FBXL13: variants seen among roughly 807,000 people sequenced by gnomAD.
FBXL13 encodes the protein F-box and leucine rich repeat protein 13.
In FBXL13, 67 loss-of-function variants were observed where a neutral mutation model predicts 83.6. The ratio of observed to expected loss-of-function variants is 0.80; its 90% CI spans 0.66 to 0.98. FBXL13 has a LOEUF of 0.98. Ranked by LOEUF, FBXL13 falls within the 50% of genes least tolerant of loss-of-function variation. The probability of loss-of-function intolerance (pLI) is 0.00; values close to 1 mark genes in which losing one functional copy is unlikely to be tolerated. For synonymous variants in FBXL13, 272 were observed against 299.5 expected, an observed-to-expected ratio of 0.91 and a Z score of 0.95; for missense variants, 822 against 866.5, an observed-to-expected ratio of 0.95 and a Z score of 0.64.
At chr7:103,065,087 T>C (rs1454257463) in intron 1 of FBXL13, among the ~76,000 whole-genome samples, 1 of 152,176 alleles carries the variant, frequency 6.6e-6, no homozygotes, top group Admixed American at 6.5e-5. Flanking sequence ...TGGCAATAGA[T>C]AATTGACACA....
At chr7:103,050,605 T>TAGGAA (rs1202703613) in intron 2 of FBXL13, among the ~76,000 whole-genome samples, 3 of 151,782 alleles carry the variant, frequency 2.0e-5, no homozygotes, top group African/African-American at 7.3e-5. Flanking sequence ...ACAGAAAAGA[T>TAGGAA]AGGAAAGGAA....
intron 2 of FBXL13, among the ~76,000 whole-genome samples, chr7:103,040,646 A>G (rs756718616): frequency 1.3e-5 from 2 of 152,220 alleles, no homozygotes; most frequent in Admixed American, 6.5e-5. Flanking sequence ...AGTGCAATCA[A>G]ATTAGTACTC....
At chr7:103,043,264 C>G (rs1207065461) in intron 2 of FBXL13, among the ~76,000 whole-genome samples, 1 of 152,138 alleles carries the variant, frequency 6.6e-6, no homozygotes, top group Non-Finnish European at 1.5e-5. Context: ...ATCAAAACCA[C>G]AATGAGATAC....
intron 16 of FBXL13, chr7:102,857,472 T>C (rs946937598): frequency 6.5e-6 from 1 of 153,510 alleles, no homozygotes; most frequent in Admixed American, 6.5e-5. Context: ...GATGTGGCTG[T>C]GATATCTGTC....
chr7:102,824,195 C>T (rs962428641), intron 18 of FBXL13, among the ~76,000 whole-genome samples: 3 of 152,172 alleles, frequency 2.0e-5, no homozygotes, highest in Non-Finnish European at 4.4e-5. Flanking sequence ...ATTTTTAACT[C>T]CCAGATATAA....
At chr7:103,042,003 G>A (rs981348488) in intron 2 of FBXL13, among the ~76,000 whole-genome samples, 1 of 152,052 alleles carries the variant, frequency 6.6e-6, no homozygotes, top group East Asian at 1.9e-4. Flanking sequence ...AGACATAAAG[G>A]GTATTCAATT....
intron 1 of FBXL13, among the ~76,000 whole-genome samples, chr7:103,072,978 A>G (rs1178648877): frequency 6.6e-6 from 1 of 152,222 alleles, no homozygotes; most frequent in Non-Finnish European, 1.5e-5. Context: ...ACTGACTGCT[A>G]CTTGAGAAAA....
chr7:102,844,665 C>G (rs1163254335), intron 17 of FBXL13, among the ~76,000 whole-genome samples: 1 of 152,172 alleles, frequency 6.6e-6, no homozygotes, highest in Non-Finnish European at 1.5e-5. Flanking sequence ...TTTCTATACA[C>G]TGACCAATTC....
intron 16 of FBXL13, among the ~76,000 whole-genome samples, chr7:102,861,998 A>AAAAAAAT (rs1806923765): frequency 6.6e-6 from 1 of 151,194 alleles, no homozygotes; most frequent in East Asian, 1.9e-4. Flanking sequence ...AAAAAAAAAA[A>AAAAAAAT]TTCACATCTG....
chr7:102,934,797 C>A, intron 8 of FBXL13: 1 of 978,572 alleles, frequency 1.0e-6, no homozygotes, highest in South Asian at 1.8e-5. Flanking sequence ...TCACTTCCAC[C>A]AGAAATCCTT....
intron 11 of FBXL13, among the ~76,000 whole-genome samples, chr7:102,886,747 C>T (rs993873534): frequency 6.6e-6 from 1 of 151,938 alleles, no homozygotes; most frequent in African/African-American, 2.4e-5. Context: ...CAGTAGGTTC[C>T]CCTTCTCAGC....
intron 8 of FBXL13, among the ~76,000 whole-genome samples, chr7:102,950,846 T>C (rs1823285256): frequency 6.6e-6 from 1 of 152,120 alleles, no homozygotes; most frequent in African/African-American, 2.4e-5. Flanking sequence ...TGTCAGAAGC[T>C]AGCAGGGTGA....
In FBXL13 at chr7:103,027,837, T is replaced by C. The variant is rs369151420; in HGVS notation, c.218-279A>G. The stretch of plus-strand genomic sequence containing the variant: ...CATTTCCTTTTTTTAAACAAGGTTG[T>C]TCTTTGTAAAACCAGAACTTCTAAA... On this transcript the variant is annotated intron_variant, in intron 4 of 19. Coordinates refer to ENST00000313221, the Ensembl canonical transcript of FBXL13. Among the ~76,000 whole-genome samples the C allele has an allele frequency of 2.0e-4, 30 of 152,350 alleles. No homozygotes were observed. In the East Asian group the frequency reaches 4.8e-3, roughly 24 times the overall value.
intron 16 of FBXL13, among the ~76,000 whole-genome samples, chr7:102,867,695 A>ATATATATTTTTT (rs1239781180): frequency 2.0e-5 from 1 of 49,064 alleles, no homozygotes; most frequent in African/African-American, 1.2e-4. Context: ...ATATATATAT[A>ATATATATTTTTT]TTTTTTTTTT....
intron 8 of FBXL13, among the ~76,000 whole-genome samples, chr7:102,937,842 C>T (rs1194755349): frequency 6.6e-6 from 1 of 152,144 alleles, no homozygotes; most frequent in Non-Finnish European, 1.5e-5. Flanking sequence ...ACCTGAGGAT[C>T]GGTACAAGTA....
chr7:102,954,625 A>C (rs1823960255), intron 8 of FBXL13, among the ~76,000 whole-genome samples: 1 of 152,228 alleles, frequency 6.6e-6, no homozygotes, highest in African/African-American at 2.4e-5. Flanking sequence ...AAGACCCATC[A>C]GTGTGCTGTA....
intron 18 of FBXL13, among the ~76,000 whole-genome samples, chr7:102,832,627 A>G (rs759780099): frequency 6.6e-6 from 1 of 152,226 alleles, no homozygotes; most frequent in African/African-American, 2.4e-5. Context: ...TTATATTTGT[A>G]TGAGAATTAT....
intron 6 of FBXL13, among the ~76,000 whole-genome samples, chr7:103,001,664 T>G (rs1297277668): frequency 6.6e-6 from 1 of 152,190 alleles, no homozygotes; most frequent in African/African-American, 2.4e-5. Context: ...TGCTGCATCT[T>G]GTGGTTCTCT....
chr7:103,044,195 T>C (rs569694303), intron 2 of FBXL13, among the ~76,000 whole-genome samples: 1 of 152,282 alleles, frequency 6.6e-6, no homozygotes, highest in African/African-American at 2.4e-5. Flanking sequence ...ACCTGGGACA[T>C]TTTACAAGAC....
Sources: allele counts gnomAD v4.1 joint callset (sites outside exome capture counted in the v4.1 genomes callset), GRCh38; gene constraint gnomAD v4.1.1; transcripts MANE v1.5; gene names NCBI Gene and HGNC (gene_info 2026-07-23, HGNC 2026-07-21).